Variants in PCDH15 observed in about 807,000 individuals in gnomAD.
PCDH15 encodes protocadherin-15.
A neutral mutation model predicts 178.5 loss-of-function variants in PCDH15; 129 were observed. That is an observed-to-expected ratio of 0.72 (90% CI 0.63 to 0.84). The LOEUF is 0.84. Ranked by LOEUF, PCDH15 falls within the 40% of genes least tolerant of loss-of-function variation. The pLI, the probability that PCDH15 is intolerant of heterozygous loss-of-function variation, is 0.00. For synonymous variants in PCDH15, 800 were observed against 732.0 expected (o/e 1.09, Z -1.50); for missense variants, 2,230 against 2,099.9 (o/e 1.06, Z -1.21).
chr10:54,108,165 G>GA (rs998878029), intron 15 of PCDH15, among the ~76,000 whole-genome samples: 9 of 152,094 alleles, frequency 5.9e-5, no homozygotes, highest in Non-Finnish European at 1.3e-4. Context: ...TTCATAACAA[G>GA]AAAATGTCAG....
At chr10:55,367,501 G>A (rs1361176123) in intron 2 of PCDH15, among the ~76,000 whole-genome samples, 4 of 151,838 alleles carry the variant, frequency 2.6e-5, no homozygotes, top group Non-Finnish European at 5.9e-5. Flanking sequence ...AGGTAACTTG[G>A]GCTCAGAAAG....
chr10:53,961,686 G>A, intron 22 of PCDH15, 66 bp downstream of exon 22: 2 of 1,290,886 alleles, frequency 1.5e-6, no homozygotes, highest in Non-Finnish European at 1.0e-6. Flanking sequence ...GCTGTCATCT[G>A]TTAAGCCAAA....
chr10:55,385,862 T>A (rs1210619534), intron 2 of PCDH15, among the ~76,000 whole-genome samples: 1 of 151,020 alleles, frequency 6.6e-6, no homozygotes, highest in African/African-American at 2.4e-5. Context: ...TATATACATA[T>A]ATGCGCACAT....
intron 2 of PCDH15, among the ~76,000 whole-genome samples, chr10:54,530,842 G>A (rs2083832302): frequency 1.3e-5 from 2 of 152,100 alleles, no homozygotes; most frequent in African/African-American, 4.8e-5. Flanking sequence ...AGGTTAAGCA[G>A]ACACATAATA....
At chr10:53,893,035 A>G (rs1465641931) in intron 26 of PCDH15, among the ~76,000 whole-genome samples, 5 of 152,222 alleles carry the variant, frequency 3.3e-5, no homozygotes, top group Non-Finnish European at 1.5e-5. Context: ...AAGTCAGTAT[A>G]CCACAATTTG....
At position 54,740,870 on chromosome 10, in the gene PCDH15, G is replaced by T. The variant is rs1472459784; in HGVS notation, c.-29+60055C>A. 2.0e-5 allele frequency among the ~76,000 whole-genome samples: 3 copies of T among 151,964 alleles called. No homozygotes were observed. In the East Asian group the frequency reaches 5.8e-4, roughly 29 times the overall value. On this transcript the variant is annotated intron_variant, in intron 1 of 37. Coordinates refer to ENST00000644397, the MANE Select transcript of PCDH15 (RefSeq NM_001384140.1). ...ACAGTGGTTATCAGGGGCTGGCAAGGGTAGGGTAGAGGATGGATGAAGAAA... is the reference window on the plus strand; with the variant it reads ...ACAGTGGTTATCAGGGGCTGGCAAGTGTAGGGTAGAGGATGGATGAAGAAA...
chr10:54,882,966 T>C (rs1420917721), intron 3 of PCDH15, among the ~76,000 whole-genome samples: 5 of 152,010 alleles, frequency 3.3e-5, no homozygotes, highest in South Asian at 2.1e-4. Flanking sequence ...ACATGCTAAG[T>C]TGACTTTATT....
At chr10:53,869,780 A>G (rs79240324) in intron 26 of PCDH15, among the ~76,000 whole-genome samples, 2 of 148,626 alleles carry the variant, frequency 1.3e-5, no homozygotes, top group African/African-American at 2.5e-5. Flanking sequence ...TTATCTCTTG[A>G]AAAAAAAAAA....
At chr10:55,231,495 A>G (rs1179182876) in intron 1 of PCDH15, among the ~76,000 whole-genome samples, 3 of 152,054 alleles carry the variant, frequency 2.0e-5, no homozygotes, top group Non-Finnish European at 2.9e-5. Flanking sequence ...TTATTATTTC[A>G]TCAAATTACA....
chr10:55,045,365 T>C (rs1840974285), intron 2 of PCDH15, among the ~76,000 whole-genome samples: 1 of 152,078 alleles, frequency 6.6e-6, no homozygotes, highest in Non-Finnish European at 1.5e-5. Context: ...TTACACTTCC[T>C]TGATGTCAGT....
At position 55,073,945 on chromosome 10, in the gene PCDH15, A is replaced by G. The variant is rs112335528; in HGVS notation, c.-80+92631T>C. ...TTCTCATTGTTTAGCTCACACTTGT[A>G]AGTGAGAACATGTGGTGTTTGGTTT... On this transcript the variant is annotated intron_variant, in intron 2 of 5. Transcript: ENST00000458638. Among the ~76,000 whole-genome samples, 296 of 151,758 alleles carry G rather than the reference A, an allele frequency of 2.0e-3. 2 individuals carry two copies. Among genetic ancestry groups the G allele is most frequent in the African/African-American group, 7.1e-3 (294 of 41,366 alleles).
At chr10:54,773,275 TAGAG>T (rs951583856) in intron 1 of PCDH15, among the ~76,000 whole-genome samples, 50 of 152,262 alleles carry the variant, frequency 3.3e-4, no homozygotes, top group Middle Eastern at 3.4e-3. Flanking sequence ...TTTTTTTTCT[TAGAG>T]GGAGAAACTA....
At chr10:54,236,076 C>T (rs901904394) in intron 9 of PCDH15, among the ~76,000 whole-genome samples, 1 of 152,118 alleles carries the variant, frequency 6.6e-6, no homozygotes, top group Non-Finnish European at 1.5e-5. Flanking sequence ...AGGGCTAATG[C>T]TGAACTCCAT....
At chr10:54,991,836 T>C (rs1286213833) in intron 2 of PCDH15, among the ~76,000 whole-genome samples, 2 of 152,126 alleles carry the variant, frequency 1.3e-5, no homozygotes, top group African/African-American at 2.4e-5. Context: ...AAATATATTC[T>C]AGCTGAAAAG....
chr10:54,379,911 C>T (rs1425618364), intron 3 of PCDH15, among the ~76,000 whole-genome samples: 1 of 151,954 alleles, frequency 6.6e-6, no homozygotes, highest in Non-Finnish European at 1.5e-5. Context: ...CGCCTTAGGA[C>T]AGCACTCAAG....
chr10:54,065,796 G>A (rs185989895), intron 18 of PCDH15, among the ~76,000 whole-genome samples: 1 of 152,144 alleles, frequency 6.6e-6, no homozygotes, highest in African/African-American at 2.4e-5. Flanking sequence ...AAAATCTCAG[G>A]ACATGGTGTG....
At chr10:54,067,024 TA>T (rs1158106379) in intron 17 of PCDH15, 139 bp from the exon 18 acceptor site, 2 of 656,930 alleles carry the variant, frequency 3.0e-6, no homozygotes, top group South Asian at 9.4e-5. Flanking sequence ...AAAATAAAAA[TA>T]AAAAAATAAA....
intron 1 of PCDH15, among the ~76,000 whole-genome samples, chr10:54,723,869 A>C (rs909548354): frequency 3.3e-5 from 5 of 151,804 alleles, no homozygotes; most frequent in Non-Finnish European, 7.4e-5. Context: ...AATGGTTAAT[A>C]TTAAAAGTCA....
intron 3 of PCDH15, among the ~76,000 whole-genome samples, chr10:54,432,218 T>A (rs1205833990): frequency 6.6e-6 from 1 of 151,526 alleles, no homozygotes; most frequent in Non-Finnish European, 1.5e-5. Context: ...TAGAAAAAAA[T>A]TCTAAAATGT....
Sources: allele counts gnomAD v4.1 joint callset (sites outside exome capture counted in the v4.1 genomes callset), GRCh38; gene constraint gnomAD v4.1.1; transcripts MANE v1.5; gene names NCBI Gene and HGNC (gene_info 2026-07-23, HGNC 2026-07-21).